Variants in VPS13B observed in about 807,000 individuals in gnomAD.
VPS13B encodes the protein intermembrane lipid transfer protein VPS13B.
VPS13B carries 285 observed loss-of-function variants against 426.4 expected under a neutral mutation model. That is an observed-to-expected ratio of 0.67 (90% CI 0.61 to 0.74). VPS13B has a LOEUF of 0.74. Ranked by LOEUF, VPS13B falls within the 30% of genes least tolerant of loss-of-function variation. The pLI is 0.00. For synonymous variants in VPS13B, 1,676 were observed against 1,676.4 expected, an observed-to-expected ratio of 1.00 and a Z score of 0.01; for missense variants, 4,537 against 4,782.6, an observed-to-expected ratio of 0.95 and a Z score of 1.51.
At position 99,821,461 on chromosome 8, in the gene VPS13B, T is replaced by C. The variant is rs768660043; in HGVS notation, c.9162T>C (p.Gly3054=). 6.2e-7 allele frequency: 1 copy of C among 1,613,776 alleles called. No homozygotes were observed. The highest frequency in any genetic ancestry group is 1.7e-5 in the Admixed American group (1 of 60,010). ...EAFVDTEIRL[G]AFPGHQKLCQ... The stretch of plus-strand genomic sequence containing the variant: ...TTGTTGATACTGAAATAAGACTTGG[T>C]GCTTTTCCAGGACATCAGAAGGTAA... Residue 3054 remains glycine, a synonymous_variant, in exon 50 of 62, where the codon GGT becomes GGC. Transcript: ENST00000357162.
At position 99,738,684 on chromosome 8, in the gene VPS13B, G is replaced by A. The variant is rs184930658; in HGVS notation, c.7050+17637G>A. Among the ~76,000 whole-genome samples, 996 of 152,160 alleles carry A rather than the reference G, an allele frequency of 6.5e-3. 9 individuals carry two copies. The highest frequency in any genetic ancestry group is 0.022 in the African/African-American group (924 of 41,498). On this transcript the variant is annotated intron_variant, in intron 39 of 61. Transcript: ENST00000357162. ...TTTATCTCTCTAAAGTCTATATACC[G>A]TGTTGAAAATCTTCAGTTATTTTAC...
intron 29 of VPS13B, among the ~76,000 whole-genome samples, chr8:99,518,639 T>G (rs1171090837): frequency 6.6e-6 from 1 of 152,210 alleles, no homozygotes; most frequent in Non-Finnish European, 1.5e-5. Context: ...TCCTTATTTC[T>G]CTCACTGAAT....
chr8:99,013,505 C>A (rs1841431094), intron 1 of VPS13B, among the ~76,000 whole-genome samples, 158 bp downstream of exon 1: 1 of 152,188 alleles, frequency 6.6e-6, no homozygotes, highest in Non-Finnish European at 1.5e-5. Flanking sequence ...GAGCCCGCCT[C>A]ACTTCATTCT....
chr8:99,047,880 G>A (rs1441959557), intron 3 of VPS13B, among the ~76,000 whole-genome samples: 5 of 151,974 alleles, frequency 3.3e-5, no homozygotes, highest in Non-Finnish European at 5.9e-5. Context: ...TAGAGACGTG[G>A]TTTCATCATT....
At chr8:99,353,525 T>C (rs1326529783) in intron 19 of VPS13B, among the ~76,000 whole-genome samples, 1 of 152,040 alleles carries the variant, frequency 6.6e-6, no homozygotes, top group Non-Finnish European at 1.5e-5. Flanking sequence ...TTCATCAATT[T>C]TGAAGGCACA....
At chr8:99,282,254 G>T (rs778226804) in intron 19 of VPS13B, among the ~76,000 whole-genome samples, 30 of 152,074 alleles carry the variant, frequency 2.0e-4, no homozygotes, top group Non-Finnish European at 3.2e-4. Flanking sequence ...TTTTCTATAT[G>T]ATTTGTCTTC....
chr8:99,355,301 AT>A (rs1350587651), intron 19 of VPS13B, among the ~76,000 whole-genome samples: 1 of 152,126 alleles, frequency 6.6e-6, no homozygotes, highest in Non-Finnish European at 1.5e-5. Flanking sequence ...TAACTTAAAA[AT>A]CCCCTACTGG....
At chr8:99,397,032 A>G in intron 21 of VPS13B, among the ~76,000 whole-genome samples, 1 of 152,216 alleles carries the variant, frequency 6.6e-6, no homozygotes, top group Non-Finnish European at 1.5e-5. Context: ...AATCTTAAAA[A>G]GTACATTGTT....
intron 43 of VPS13B, among the ~76,000 whole-genome samples, chr8:99,784,817 C>T (rs1290846363): frequency 6.6e-6 from 1 of 152,046 alleles, no homozygotes; most frequent in Non-Finnish European, 1.5e-5. Context: ...AAAAGTAGTA[C>T]TTATTTCATA....
intron 61 of VPS13B, among the ~76,000 whole-genome samples, chr8:99,874,187 CAG>C (rs1817574976): frequency 6.6e-6 from 1 of 152,148 alleles, no homozygotes; most frequent in Non-Finnish European, 1.5e-5. Flanking sequence ...CCTTTCACAA[CAG>C]GGGTTTTCCT....
chr8:99,750,334 G>T (rs1416607802), intron 39 of VPS13B, among the ~76,000 whole-genome samples: 2 of 152,048 alleles, frequency 1.3e-5, no homozygotes, highest in Non-Finnish European at 2.9e-5. Flanking sequence ...AGGTGGAAAA[G>T]TTGCCCCACT....
intron 5 of VPS13B, among the ~76,000 whole-genome samples, 199 bp downstream of exon 5, chr8:99,103,319 A>G (rs553646995): frequency 3.3e-5 from 5 of 152,100 alleles, no homozygotes; most frequent in Admixed American, 6.5e-5. Flanking sequence ...TCAGAAATCT[A>G]TACTTGTGGT....
rs1349036555 is a variant in VPS13B at position 99,521,017 on chromosome 8, T to G, written c.4745+7T>G. On this transcript the variant is annotated splice_region_variant and intron_variant, in intron 30 of 61. Transcript: ENST00000357162. ...TTAGGAAAGATATTTACCAGTAAGTTTATTTTCTTATGTCCAATCTTGCAA... is the reference window on the plus strand; with the variant it reads ...TTAGGAAAGATATTTACCAGTAAGTGTATTTTCTTATGTCCAATCTTGCAA... 6.2e-7 allele frequency: 1 copy of G among 1,608,242 alleles called. No individual in the cohort carries two copies. The highest frequency in any genetic ancestry group is 1.7e-5 in the Admixed American group (1 of 59,992).
Position 99,013,787 on chromosome 8 carries a change from A to G in VPS13B, c.-2A>G, listed in dbSNP as rs550982475. The G allele has an allele frequency of 3.2e-5, 51 of 1,613,970 alleles. No individual in the cohort carries two copies. The highest frequency in any genetic ancestry group is 5.0e-5 in the Admixed American group (3 of 59,994). Reference sequence around the variant, plus strand: ...TCCGACTTCGACTCCTTACCTTAAAAGATGCTGGAGTCATATGTAACTCCA... The same window carrying G: ...TCCGACTTCGACTCCTTACCTTAAAGGATGCTGGAGTCATATGTAACTCCA... On this transcript the variant is annotated 5_prime_UTR_variant, in exon 2 of 62. Coordinates refer to ENST00000357162, the MANE Select transcript of VPS13B (RefSeq NM_152564.5).
rs146228448 is a variant in VPS13B at position 99,817,474 on chromosome 8, T to C, written c.8098-66T>C. On this transcript the variant is annotated intron_variant, in intron 44 of 61. Coordinates refer to ENST00000357162, the MANE Select transcript of VPS13B (RefSeq NM_152564.5). ...ATCAACATAGTTTACTCTGTTTGAA[T>C]GATAACATATTTCCAGTTAATGAAG... 857 of 1,579,872 alleles carry C rather than the reference T, an allele frequency of 5.4e-4. 1 individual carries two copies. The African/African-American group carries it at 9.5e-3, about 18-fold the overall frequency.
chr8:99,297,159 T>C (rs1012638707), intron 19 of VPS13B, among the ~76,000 whole-genome samples: 4 of 152,162 alleles, frequency 2.6e-5, no homozygotes, highest in Non-Finnish European at 5.9e-5. Flanking sequence ...TGCTTATTGA[T>C]CTGAAATTCT....
intron 44 of VPS13B, among the ~76,000 whole-genome samples, chr8:99,815,710 G>A (rs1813995791): frequency 6.6e-6 from 1 of 152,172 alleles, no homozygotes; most frequent in South Asian, 2.1e-4. Flanking sequence ...TTCAGTATGT[G>A]AAAGTCCTAT....
At position 99,776,855 on chromosome 8, in the gene VPS13B, A is replaced by C; in HGVS notation, c.7328A>C (p.Asp2443Ala). ...PTALAACTRV[D>A]SCFTPWFVPS... ...GCCCTGGCTGCCTGTACCAGAGTTGACTCCTGCTTTACCCCATGGTTTGTC... is the reference window on the plus strand; with the variant it reads ...GCCCTGGCTGCCTGTACCAGAGTTGCCTCCTGCTTTACCCCATGGTTTGTC... Residue 2443 changes from aspartate (D) to alanine (A), a missense_variant, in exon 41 of 62, where the codon GAC becomes GCC. Transcript: ENST00000357162. 6.2e-7 allele frequency: 1 copy of C among 1,613,826 alleles called. No homozygotes were observed. The highest frequency in any genetic ancestry group is 8.5e-7 in the Non-Finnish European group (1 of 1,179,926).
In VPS13B at chr8:99,654,189, T is replaced by C. The variant is rs1372406729; in HGVS notation, c.5909-7165T>C. On this transcript the variant is annotated intron_variant, in intron 34 of 61. Coordinates refer to ENST00000357162, the MANE Select transcript of VPS13B (RefSeq NM_152564.5). ...TCAGCCTCCCTAGTAGCTGGGACTA[T>C]AGGCGCCCGCCACCACGCCCGGCTA... Among the ~76,000 whole-genome samples, 6 of 152,046 alleles carry C rather than the reference T, an allele frequency of 3.9e-5. No individual in the cohort carries two copies. The South Asian group carries it at 1.2e-3, about 32-fold the overall frequency.
Sources: gnomAD v4.1 joint callset for allele counts (sites outside exome capture counted in the v4.1 genomes callset) on GRCh38, gnomAD v4.1.1 for gene constraint, MANE v1.5 for transcripts, NCBI Gene and HGNC (gene_info 2026-07-23, HGNC 2026-07-21) for gene names.